EIF3M: variants seen among roughly 807,000 people sequenced by gnomAD.
EIF3M encodes B5 receptor.
Under a neutral mutation model 49.7 loss-of-function variants are expected in EIF3M, and 25 were observed. The observed-to-expected ratio is 0.50, with a 90% CI of 0.37 to 0.70. The LOEUF (loss-of-function observed/expected upper bound fraction) is 0.70. Among genes scored for constraint, EIF3M ranks in the 30% least tolerant of loss-of-function variants. The pLI is 0.00. For synonymous variants in EIF3M, 156 were observed against 149.8 expected (o/e 1.04, Z -0.30); for missense variants, 350 against 440.0 (o/e 0.80, Z 1.83).
rs200317760 is a variant in EIF3M at position 32,589,061 on chromosome 11, A to C, written c.364A>C (p.Thr122Pro). 6.2e-7 allele frequency: 1 copy of C among 1,614,212 alleles called. No individual in the cohort carries two copies. The highest frequency in any genetic ancestry group is 2.2e-5 in the East Asian group (1 of 44,884). ...GGATAAGAATACTCCTGTAAGATAC[A>C]CAGTGTATTGCAGCCTTATTAAAGT... The part of the protein sequence containing the change: ...GMDKNTPVRY[T>P]VYCSLIKVAA... The change falls in exon 4 of 11, where the codon ACA (threonine) becomes CCA (proline). Residue 122 changes from threonine to proline, a missense_variant. Coordinates refer to ENST00000531120, the MANE Select transcript of EIF3M (RefSeq NM_006360.6).
Position 32,600,665 on chromosome 11 carries a change from A to G in EIF3M, c.800-24A>G, listed in dbSNP as rs773739161. ...TCTTTAATTAGTATGAACACTCATC[A>G]GGCTTCACTATTCTGTTTTCTAGGC... On this transcript the variant is annotated intron_variant, in intron 8 of 10. Transcript: ENST00000531120. 3.2e-5 allele frequency: 50 copies of G among 1,585,830 alleles called. No individual in the cohort carries two copies. The Middle Eastern group carries it at 8.4e-4, about 27-fold the overall frequency.
In EIF3M at chr11:32,586,753, G is replaced by A. The variant is rs1337048167; in HGVS notation, c.43-259G>A. ...TGCTGTATGCTGGAAGTCCAGCAGGGTGCAGACTACATGAGAGAAATTCTG... is the reference window on the plus strand; with the variant it reads ...TGCTGTATGCTGGAAGTCCAGCAGGATGCAGACTACATGAGAGAAATTCTG... On this transcript the variant is annotated intron_variant, in intron 1 of 10. Coordinates refer to ENST00000531120, the MANE Select transcript of EIF3M (RefSeq NM_006360.6). Among the ~76,000 whole-genome samples, 4 of 152,322 alleles carry A rather than the reference G, an allele frequency of 2.6e-5. No homozygotes were observed. In the South Asian group the frequency reaches 6.2e-4, roughly 24 times the overall value.
In EIF3M at chr11:32,589,075, C is replaced by T. The variant is rs1855051623; in HGVS notation, c.378C>T (p.Ser126=). ...CTGTAAGATACACAGTGTATTGCAGCCTTATTAAAGTGGCAGCATCTTGTG... is the reference window on the plus strand; with the variant it reads ...CTGTAAGATACACAGTGTATTGCAGTCTTATTAAAGTGGCAGCATCTTGTG... ...NTPVRYTVYC[S]LIKVAASCGA... Residue 126 remains serine (S), a synonymous_variant, in exon 4 of 11, where the codon AGC becomes AGT. Coordinates refer to ENST00000531120, the MANE Select transcript of EIF3M (RefSeq NM_006360.6). The T allele has an allele frequency of 6.2e-7, 1 of 1,614,216 alleles. No individual in the cohort carries two copies. Among genetic ancestry groups the T allele is most frequent in the Non-Finnish European group, 8.5e-7 (1 of 1,180,038 alleles).
intron 5 of EIF3M, among the ~76,000 whole-genome samples, chr11:32,593,502 G>T (rs1450585341): frequency 1.3e-5 from 2 of 152,068 alleles, no homozygotes; most frequent in Non-Finnish European, 2.9e-5. Context: ...CACCTTTCAT[G>T]AACCCAGCTC....
chr11:32,594,625 T>G (rs574637827), intron 6 of EIF3M: 1 of 258,816 alleles, frequency 3.9e-6, no homozygotes, highest in African/African-American at 2.3e-5. Context: ...AGTGAAGCAC[T>G]TAGTGTCTTG....
At chr11:32,601,012 C>G in intron 9 of EIF3M, 180 bp downstream of exon 9, 1 of 656,870 alleles carries the variant, frequency 1.5e-6, no homozygotes, top group South Asian at 3.0e-5. Context: ...GAAATATAAA[C>G]TGCTATATTC....
rs558240606 is a variant in EIF3M at position 32,604,372 on chromosome 11, A to G, written c.*1973A>G. The G allele has an allele frequency of 1.3e-5, 2 of 152,274 alleles. No homozygotes were observed. Among genetic ancestry groups the G allele is most frequent in the South Asian group, 2.1e-4 (1 of 4,820 alleles). The allele number at this position is 152,274 out of a possible 1,614,324, so 9.4% of individuals were successfully genotyped here. A position where few individuals can be genotyped will look rare whatever the true frequency, so the allele number is the denominator to read the frequency against. On this transcript the variant is annotated 3_prime_UTR_variant, in exon 11 of 11. Coordinates refer to ENST00000531120, the MANE Select transcript of EIF3M (RefSeq NM_006360.6). Reference sequence around the variant, plus strand: ...GTGATCTGACCATCTCGGTCTCCCAAAGTTCTAGGATTACAGGAGTGAGCC... The same window carrying G: ...GTGATCTGACCATCTCGGTCTCCCAGAGTTCTAGGATTACAGGAGTGAGCC...
At chr11:32,593,618 G>A (rs1052230135) in intron 5 of EIF3M, among the ~76,000 whole-genome samples, 5 of 152,116 alleles carry the variant, frequency 3.3e-5, no homozygotes, top group Admixed American at 2.6e-4. Context: ...CGGCCTTTCC[G>A]TTTTCTGCCC....
At chr11:32,598,864 A>C (rs1855217638) in intron 8 of EIF3M, among the ~76,000 whole-genome samples, 1 of 152,100 alleles carries the variant, frequency 6.6e-6, no homozygotes, top group Non-Finnish European at 1.5e-5. Flanking sequence ...TTTAATACTT[A>C]TTCATTGATA....
chr11:32,595,259 C>T (rs1175531514), intron 7 of EIF3M, among the ~76,000 whole-genome samples: 1 of 151,708 alleles, frequency 6.6e-6, no homozygotes, highest in Non-Finnish European at 1.5e-5. Context: ...CTGAGTCTCA[C>T]TCTGTCACCA....
At chr11:32,596,668 G>GGATGAGGT (rs2133201448) in intron 8 of EIF3M, among the ~76,000 whole-genome samples, 1 of 151,966 alleles carries the variant, frequency 6.6e-6, no homozygotes, top group African/African-American at 2.4e-5. Context: ...CACTTTGGGA[G>GGATGAGGT]GATGAGGTGG....
At chr11:32,589,726 A>T in intron 5 of EIF3M, 85 bp downstream of exon 5, 1 of 1,227,650 alleles carries the variant, frequency 8.1e-7, no homozygotes, top group African/African-American at 1.5e-5. Context: ...TAGGGCCAGT[A>T]ATTTTGCTTT....
rs1275895884 is a variant in EIF3M at position 32,603,173 on chromosome 11, A to C, written c.*774A>C. 1.7e-6 allele frequency: 1 copy of C among 599,030 alleles called. No homozygotes were observed. 37.1% of individuals were successfully genotyped at this position (599,030 alleles called of 1,614,324 possible). The stretch of plus-strand genomic sequence containing the variant: ...TAGTTCTGGCACCAGAAAAGTATAC[A>C]ATGTGAATGTGTAGGCTTATGTAGT... On this transcript the variant is annotated 3_prime_UTR_variant, in exon 11 of 11. Coordinates refer to ENST00000531120, the MANE Select transcript of EIF3M (RefSeq NM_006360.6).
intron 5 of EIF3M, among the ~76,000 whole-genome samples, chr11:32,590,929 C>A (rs746435637): frequency 3.9e-5 from 6 of 151,978 alleles, no homozygotes; most frequent in African/African-American, 1.5e-4. Context: ...CAGCTCACTG[C>A]GAGCTCCACC....
chr11:32,602,457 A>G lies in EIF3M; in HGVS notation c.*58A>G. ...AAAAAGCCCTAAATCATAGTAAAAC[A>G]TTATAAACTAAAAAAATTTGCCTAG... On this transcript the variant is annotated 3_prime_UTR_variant, in exon 11 of 11. Coordinates refer to ENST00000531120, the MANE Select transcript of EIF3M (RefSeq NM_006360.6). 1 of 1,563,116 alleles carries G rather than the reference A, an allele frequency of 6.4e-7. No homozygotes were observed. Among genetic ancestry groups the G allele is most frequent in the Non-Finnish European group, 8.6e-7 (1 of 1,156,624 alleles).
At chr11:32,583,960 T>C in intron 1 of EIF3M, 31 bp downstream of exon 1, 1 of 1,611,644 alleles carries the variant, frequency 6.2e-7, no homozygotes, top group Non-Finnish European at 8.5e-7. Flanking sequence ...GCCGCCACGG[T>C]GGGGTGGGGG....
At chr11:32,583,994 G>A (rs908056270) in intron 1 of EIF3M, 65 bp downstream of exon 1, 13 of 1,598,688 alleles carry the variant, frequency 8.1e-6, no homozygotes, top group Admixed American at 3.4e-5. Flanking sequence ...GCAAGGGACC[G>A]CTGCCGAGCC....
At chr11:32,583,970 G>A (rs1337775529) in intron 1 of EIF3M, 41 bp downstream of exon 1, 11 of 1,611,134 alleles carry the variant, frequency 6.8e-6, no homozygotes, top group Admixed American at 3.3e-5. Flanking sequence ...TGGGGTGGGG[G>A]ATGTCCTAGT....
At chr11:32,592,309 T>G in intron 5 of EIF3M, 2 of 532,060 alleles carry the variant, frequency 3.8e-6, no homozygotes, top group South Asian at 3.0e-5. Context: ...AATTTTATCA[T>G]GATCATCAAA....
Sources: allele counts gnomAD v4.1 joint callset (sites outside exome capture counted in the v4.1 genomes callset), GRCh38; gene constraint gnomAD v4.1.1; transcripts MANE v1.5; gene names NCBI Gene and HGNC (gene_info 2026-07-23, HGNC 2026-07-21).